The following IMPA1 variants were observed in gnomAD, a reference collection of about 807,000 sequenced individuals.
IMPA1 encodes the protein inositol monophosphatase 1, also known as D-galactose 1-phosphate phosphatase.
IMPA1 carries 21 observed loss-of-function variants against 34.9 expected under a neutral mutation model. The observed-to-expected ratio is 0.60, with a 90% CI of 0.43 to 0.87. The LOEUF is 0.87. IMPA1 is among the 40% of genes least tolerant of loss of function. The probability of loss-of-function intolerance (pLI) is 0.00; values close to 1 mark genes in which losing one functional copy is unlikely to be tolerated. For missense variants in IMPA1, 299 were observed against 336.4 expected, an observed-to-expected ratio of 0.89 and a Z score of 0.87; for synonymous variants, 95 against 104.4, an observed-to-expected ratio of 0.91 and a Z score of 0.55.
intron 1 of IMPA1, 21 bp from the exon 2 acceptor site, chr8:81,681,605 T>C (rs767087063): frequency 2.2e-6 from 3 of 1,335,632 alleles, no homozygotes; most frequent in African/African-American, 2.9e-5. Context: ...TAGTTATAAC[T>C]GTCTTAGAAG....
chr8:81,662,255 A>G (rs2130243959), intron 7 of IMPA1, among the ~76,000 whole-genome samples: 1 of 152,276 alleles, frequency 6.6e-6, no homozygotes. Flanking sequence ...TTCTCCCATG[A>G]GATATGTGAT....
rs372218016 is a variant in IMPA1 at position 81,667,862 on chromosome 8, T to C, written c.566+3077A>G. 7.9e-5 allele frequency among the ~76,000 whole-genome samples: 12 copies of C among 151,670 alleles called. No individual in the cohort carries two copies. The East Asian group carries it at 2.1e-3, about 27-fold the overall frequency. On this transcript the variant is annotated intron_variant, in intron 7 of 8. Transcript: ENST00000256108. ...TTTTTGAGATGGAGTCTCACTCTGT[T>C]ACCCAGGCTGGAGTGCAGTGACACG...
intron 7 of IMPA1, among the ~76,000 whole-genome samples, chr8:81,670,473 GA>G (rs906747036): frequency 6.6e-6 from 1 of 151,876 alleles, no homozygotes; most frequent in Non-Finnish European, 1.5e-5. Flanking sequence ...AAAAGAACAA[GA>G]AAAAAAGCAC....
intron 7 of IMPA1, among the ~76,000 whole-genome samples, chr8:81,666,036 G>A (rs912353639): frequency 6.6e-6 from 1 of 152,140 alleles, no homozygotes; most frequent in Non-Finnish European, 1.5e-5. Flanking sequence ...GTTAAATGAA[G>A]AACTAGGATC....
chr8:81,684,771 G>A lies in IMPA1; in HGVS notation c.-25+1481C>T, dbSNP rs200329399. Among the ~76,000 whole-genome samples, 9 of 135,576 alleles carry A rather than the reference G, an allele frequency of 6.6e-5. 1 individual carries two copies. The highest frequency in any genetic ancestry group is 2.5e-4 in the African/African-American group (9 of 36,206). The allele number at this position is 135,576 out of a possible 152,430, so 88.9% of individuals were successfully genotyped here. On this transcript the variant is annotated intron_variant, in intron 1 of 8. Transcript: ENST00000256108. ...CATAAGTATATTTAGATACTATGTG[G>A]AGTATATATACTACACATAAGTATA...
chr8:81,672,523 G>C (rs1807015481), intron 6 of IMPA1, among the ~76,000 whole-genome samples: 1 of 152,118 alleles, frequency 6.6e-6, no homozygotes, highest in Admixed American at 6.5e-5. Context: ...TGTTATTTCT[G>C]TAAACAAATG....
chr8:81,680,874 TTAAA>T, intron 2 of IMPA1, 91 bp from the exon 3 acceptor site: 2 of 911,034 alleles, frequency 2.2e-6, no homozygotes, highest in Admixed American at 2.5e-5. Context: ...TCAATCTGTC[TTAAA>T]TAATATTCTT....
At chr8:81,669,426 C>T (rs1445682111) in intron 7 of IMPA1, among the ~76,000 whole-genome samples, 5 of 152,216 alleles carry the variant, frequency 3.3e-5, no homozygotes, top group Admixed American at 1.3e-4. Context: ...GCCCTCAACC[C>T]CCAGTGTCTC....
At chr8:81,664,897 G>GA (rs376800580) in intron 7 of IMPA1, among the ~76,000 whole-genome samples, 2,752 of 137,872 alleles carry the variant, frequency 0.02, 81 homozygotes, top group African/African-American at 0.07. Context: ...AGGAAAAAAA[G>GA]AAAAAAAAAA....
intron 1 of IMPA1, 157 bp downstream of exon 1, chr8:81,686,095 T>A: frequency 1.1e-6 from 1 of 891,580 alleles, no homozygotes; most frequent in Non-Finnish European, 1.5e-6. Context: ...CAGCTCCGGA[T>A]AACGCAGCAG....
chr8:81,668,510 T>C (rs1806898024), intron 7 of IMPA1, among the ~76,000 whole-genome samples: 1 of 152,128 alleles, frequency 6.6e-6, no homozygotes, highest in East Asian at 1.9e-4. Context: ...GGAGGACTGC[T>C]TGAGCCCAGG....
intron 4 of IMPA1, among the ~76,000 whole-genome samples, chr8:81,677,772 TA>T (rs59854008): frequency 0.039 from 5,957 of 152,316 alleles, 390 homozygotes; most frequent in African/African-American, 0.14. Flanking sequence ...TTAAAAGATA[TA>T]ACATTCTATC....
chr8:81,685,127 T>C (rs1276757852), intron 1 of IMPA1, among the ~76,000 whole-genome samples: 1 of 136,250 alleles, frequency 7.3e-6, no homozygotes, highest in African/African-American at 2.7e-5. Context: ...ATTAAGTATA[T>C]TTAGATACTA....
intron 7 of IMPA1, among the ~76,000 whole-genome samples, chr8:81,661,757 T>C (rs184950961): frequency 6.6e-6 from 1 of 152,376 alleles, no homozygotes; most frequent in East Asian, 1.9e-4. Flanking sequence ...TTTATCATTG[T>C]ACTGTGGCTA....
Position 81,659,127 on chromosome 8 carries a change from T to G in IMPA1, c.*224A>C. The G allele has an allele frequency of 1.9e-6, 1 of 530,518 alleles. No homozygotes were observed. Among genetic ancestry groups the G allele is most frequent in the Non-Finnish European group, 3.3e-6 (1 of 300,886 alleles). The allele number at this position is 530,518 out of a possible 1,614,324, so 32.9% of individuals were successfully genotyped here. A position where few individuals can be genotyped will look rare whatever the true frequency, so the allele number is the denominator to read the frequency against. ...TATCAACTGTACTTCCTGGGTATGT[T>G]TCCTAAAGTACATTCTTACATGCAA... is the stretch of plus-strand genomic sequence containing the variant. On this transcript the variant is annotated 3_prime_UTR_variant, in exon 9 of 9. Coordinates refer to ENST00000256108, the MANE Select transcript of IMPA1 (RefSeq NM_005536.4).
chr8:81,672,820 C>CT (rs1193541063), intron 6 of IMPA1, among the ~76,000 whole-genome samples: 1 of 152,104 alleles, frequency 6.6e-6, no homozygotes, highest in Non-Finnish European at 1.5e-5. Context: ...CTTTAACGGG[C>CT]TTTTTTTCCA....
chr8:81,681,137 C>T (rs927575802), intron 2 of IMPA1, among the ~76,000 whole-genome samples: 12 of 152,076 alleles, frequency 7.9e-5, no homozygotes, highest in African/African-American at 1.4e-4. Context: ...GGTTCACGCA[C>T]GTAATCCCAG....
At position 81,686,249 on chromosome 8, in the gene IMPA1, C is replaced by T; in HGVS notation, c.-25+3G>A. 1 of 1,014,074 alleles carries T rather than the reference C, an allele frequency of 9.9e-7. No individual in the cohort carries two copies. Among genetic ancestry groups the T allele is most frequent in the Non-Finnish European group, 1.2e-6 (1 of 846,758 alleles). 62.8% of individuals were successfully genotyped at this position (1,014,074 alleles called of 1,614,324 possible). A position where few individuals can be genotyped will look rare whatever the true frequency, so the allele number is the denominator to read the frequency against. On this transcript the variant is annotated splice_donor_region_variant and intron_variant, in intron 1 of 8. Coordinates refer to ENST00000256108, the MANE Select transcript of IMPA1 (RefSeq NM_005536.4). ...GGTGCGGTGAGGAAAATAACGGTCT[C>T]ACCTTGAGTCGGAGGACGTCCGGCT... is the stretch of plus-strand genomic sequence containing the variant.
intron 7 of IMPA1, among the ~76,000 whole-genome samples, chr8:81,666,315 G>C (rs1331708366): frequency 6.6e-6 from 1 of 152,178 alleles, no homozygotes; most frequent in Non-Finnish European, 1.5e-5. Context: ...AAGAGGCAGA[G>C]AAGGCACATC....
Sources: gnomAD v4.1 joint callset for allele counts (sites outside exome capture counted in the v4.1 genomes callset) on GRCh38, gnomAD v4.1.1 for gene constraint, MANE v1.5 for transcripts, NCBI Gene and HGNC (gene_info 2026-07-23, HGNC 2026-07-21) for gene names.